The following SYT1 variants were observed in gnomAD, a reference collection of about 807,000 sequenced individuals.
The protein encoded by SYT1 is synaptotagmin 1.
A neutral mutation model predicts 44.8 loss-of-function variants in SYT1; 8 were observed. The ratio of observed to expected loss-of-function variants is 0.18; its 90% confidence interval spans 0.10 to 0.32. SYT1 has a LOEUF of 0.32. Ranked by LOEUF, SYT1 falls within the 10% of genes least tolerant of loss-of-function variation. SYT1 has a pLI of 1.00. For synonymous variants in SYT1, 154 were observed against 188.8 expected (o/e 0.82, Z 1.51); for missense variants, 286 against 509.3 (o/e 0.56, Z 4.22).
intron 1 of SYT1, among the ~76,000 whole-genome samples, chr12:78,888,899 GCT>G (rs1244351532): frequency 1.3e-5 from 2 of 151,854 alleles, no homozygotes; most frequent in Non-Finnish European, 2.9e-5. Context: ...TTTACTACCT[GCT>G]TCTCTATAAG....
At chr12:78,930,876 A>G (rs1342224616) in intron 1 of SYT1, among the ~76,000 whole-genome samples, 1 of 152,012 alleles carries the variant, frequency 6.6e-6, no homozygotes, top group East Asian at 1.9e-4. Flanking sequence ...GAGGTTAAAA[A>G]TAATAGCTAT....
chr12:79,292,919 C>A (rs10861797), intron 6 of SYT1, among the ~76,000 whole-genome samples: 54,106 of 151,846 alleles, frequency 0.36, 9,928 homozygotes, highest in East Asian at 0.59. Context: ...GGATCCACAA[C>A]GTTGATGAAA....
At chr12:79,233,870 T>C (rs894798115) in intron 4 of SYT1, among the ~76,000 whole-genome samples, 2 of 152,206 alleles carry the variant, frequency 1.3e-5, no homozygotes, top group South Asian at 2.1e-4. Context: ...GGAAAACATA[T>C]AGGCAGTTTC....
chr12:79,415,605 T>G (rs925789612), intron 9 of SYT1, among the ~76,000 whole-genome samples: 5 of 152,176 alleles, frequency 3.3e-5, no homozygotes, highest in Non-Finnish European at 5.9e-5. Context: ...TTATTGATCA[T>G]TCCCCAACAG....
At chr12:79,068,455 C>G (rs989516617) in intron 3 of SYT1, among the ~76,000 whole-genome samples, 1 of 152,086 alleles carries the variant, frequency 6.6e-6, no homozygotes, top group Middle Eastern at 3.2e-3. Context: ...AAAAAATACT[C>G]TGGGGATAAA....
rs549506018 is a variant in SYT1 at position 79,189,589 on chromosome 12, T to C, written c.-17-27914T>C. 7.9e-5 allele frequency among the ~76,000 whole-genome samples: 12 copies of C among 152,224 alleles called. No homozygotes were observed. In the South Asian group the frequency reaches 2.5e-3, roughly 32 times the overall value. On this transcript the variant is annotated intron_variant, in intron 3 of 10. Transcript: ENST00000261205. ...AGTAACACAGTATAGAAGATATAAT[T>C]ATCCCTGGTTTACCCATGAAAAAAT...
chr12:79,045,612 GCA>G (rs1873985747), intron 2 of SYT1: 1 of 153,242 alleles, frequency 6.5e-6, no homozygotes, highest in Non-Finnish European at 1.5e-5. Context: ...GCTGTAGACA[GCA>G]CTGTTCCTAT....
intron 3 of SYT1, among the ~76,000 whole-genome samples, chr12:79,129,935 G>T (rs1017511364): frequency 6.6e-6 from 1 of 152,098 alleles, no homozygotes; most frequent in Non-Finnish European, 1.5e-5. Context: ...TTTGAAAATG[G>T]TAAAGACCTC....
At chr12:79,135,009 A>ACACACACACAC (rs1414935202) in intron 3 of SYT1, among the ~76,000 whole-genome samples, 1 of 152,068 alleles carries the variant, frequency 6.6e-6, no homozygotes, top group African/African-American at 2.4e-5. Flanking sequence ...ACACACACAC[A>ACACACACACAC]AATGGTAACA....
intron 8 of SYT1, among the ~76,000 whole-genome samples, chr12:79,349,033 A>AAGAAAGAAAGAAAAAGAAAG (rs1367804411): frequency 8.3e-6 from 1 of 120,212 alleles, no homozygotes; most frequent in African/African-American, 3.3e-5. Context: ...GAAAGAAAGA[A>AAGAAAGAAAGAAAAAGAAAG]AAAGAAAGAA....
Position 78,864,980 on chromosome 12 carries a change from A to G in SYT1, c.-346A>G, listed in dbSNP as rs1873453989. Reference sequence around the variant, plus strand: ...ACCTCCCACACACCCACACCCACACACCCCTTTTGTGTTGCAGGCTGCCCC... The same window carrying G: ...ACCTCCCACACACCCACACCCACACGCCCCTTTTGTGTTGCAGGCTGCCCC... On this transcript the variant is annotated 5_prime_UTR_variant, in exon 1 of 11. Transcript: ENST00000261205. The G allele has an allele frequency of 6.6e-6, 1 of 151,940 alleles. No homozygotes were observed. Among genetic ancestry groups the G allele is most frequent in the South Asian group, 2.1e-4 (1 of 4,818 alleles). The allele number at this position is 151,940 out of a possible 1,614,324, so 9.4% of individuals were successfully genotyped here.
intron 1 of SYT1, among the ~76,000 whole-genome samples, chr12:78,932,673 C>A (rs1387042697): frequency 3.9e-5 from 6 of 151,938 alleles, no homozygotes; most frequent in African/African-American, 1.5e-4. Context: ...TCTGACTCTC[C>A]TTGTAATTTT....
At chr12:79,446,989 A>G (rs1870771036) in intron 10 of SYT1, among the ~76,000 whole-genome samples, 1 of 152,210 alleles carries the variant, frequency 6.6e-6, no homozygotes, top group Non-Finnish European at 1.5e-5. Flanking sequence ...TTTAAAATAA[A>G]TATCCTTTTC....
intron 1 of SYT1, among the ~76,000 whole-genome samples, chr12:78,941,921 C>A (rs536466076): frequency 2.6e-5 from 4 of 152,278 alleles, no homozygotes; most frequent in African/African-American, 9.6e-5. Context: ...ATTCAAGGAC[C>A]ATCACTTTCC....
intron 9 of SYT1, chr12:79,393,661 C>G (rs201446277): frequency 6.6e-6 from 1 of 151,810 alleles, no homozygotes; most frequent in East Asian, 1.9e-4. Flanking sequence ...TGTTTTTTTT[C>G]TTTCAAATTT....
intron 4 of SYT1, among the ~76,000 whole-genome samples, chr12:79,218,554 T>A (rs1874956051): frequency 1.3e-5 from 2 of 152,210 alleles, no homozygotes; most frequent in Admixed American, 6.5e-5. Flanking sequence ...CAGCCACTGG[T>A]AACCACCATT....
At chr12:79,111,137 A>G (rs1232287349) in intron 3 of SYT1, among the ~76,000 whole-genome samples, 2 of 152,128 alleles carry the variant, frequency 1.3e-5, no homozygotes, top group African/African-American at 4.8e-5. Flanking sequence ...ACTAGCTACA[A>G]TGAAAGGAGA....
intron 1 of SYT1, among the ~76,000 whole-genome samples, chr12:78,915,257 CAG>C (rs1876582281): frequency 1.3e-5 from 2 of 152,012 alleles, no homozygotes; most frequent in Non-Finnish European, 2.9e-5. Context: ...GAAGCATCTG[CAG>C]AGACTTTTGA....
At chr12:79,368,009 C>T (rs1034970411) in intron 9 of SYT1, among the ~76,000 whole-genome samples, 2 of 150,348 alleles carry the variant, frequency 1.3e-5, no homozygotes, top group African/African-American at 2.5e-5. Flanking sequence ...ACCCATTAAC[C>T]CGTCATTTAG....
Sources: gnomAD v4.1 joint callset for allele counts (sites outside exome capture counted in the v4.1 genomes callset) on GRCh38, gnomAD v4.1.1 for gene constraint, MANE v1.5 for transcripts, NCBI Gene and HGNC (gene_info 2026-07-23, HGNC 2026-07-21) for gene names.